Variants in AGFG2 observed in about 807,000 individuals in gnomAD.
AGFG2 encodes the protein arf-GAP domain and FG repeat-containing protein 2.
A neutral mutation model predicts 48.0 loss-of-function variants in AGFG2; 31 were observed. The observed-to-expected ratio is 0.65, with a 90% confidence interval of 0.49 to 0.87. AGFG2 has a LOEUF of 0.87. AGFG2 is among the 40% of genes least tolerant of loss of function. The pLI is 0.00. For synonymous variants in AGFG2, 229 were observed against 260.8 expected (o/e 0.88, Z 1.18); for missense variants, 599 against 632.6 (o/e 0.95, Z 0.57).
chr7:100,540,728 T>C (rs1800407029), intron 1 of AGFG2, among the ~76,000 whole-genome samples: 1 of 152,154 alleles, frequency 6.6e-6, no homozygotes, highest in Admixed American at 6.6e-5. Context: ...AAAAAATGCT[T>C]TCCAGCCAGG....
Position 100,550,430 on chromosome 7 carries a change from C to T in AGFG2, c.350C>T (p.Ala117Val), listed in dbSNP as rs755967504. 3 of 1,612,896 alleles carry T rather than the reference C, an allele frequency of 1.9e-6. No individual in the cohort carries two copies. The highest frequency in any genetic ancestry group is 2.5e-6 in the Non-Finnish European group (3 of 1,179,482). ...AAGATTTGGTTGGGTCTGTTTGATG[C>T]TCGGACATCTTTAGTACCAGATTCC... ...CRKIWLGLFDARTSLVPDSRD... is the reference protein window; with the variant it reads ...CRKIWLGLFDVRTSLVPDSRD... Residue 117 changes from alanine to valine, a missense_variant, in exon 3 of 12, where the codon GCT becomes GTT. Transcript: ENST00000300176.
At chr7:100,554,408 T>G in intron 5 of AGFG2, 150 bp downstream of exon 5, 2 of 1,015,688 alleles carry the variant, frequency 2.0e-6, no homozygotes, top group Admixed American at 6.6e-5. Context: ...AGGACTGGGG[T>G]CAAATAAGTA....
Position 100,539,226 on chromosome 7 carries a change from G to T in AGFG2, c.-121G>T. ...GTGGTGGACGGCGAAGTCTCCTGCG[G>T]ATGCCGCCCGCTCCCGAGCTTCTGT... On this transcript the variant is annotated 5_prime_UTR_variant, in exon 1 of 12. Transcript: ENST00000300176. 1 of 1,047,236 alleles carries T rather than the reference G, an allele frequency of 9.5e-7. No individual in the cohort carries two copies. The highest frequency in any genetic ancestry group is 1.2e-6 in the Non-Finnish European group (1 of 808,872). 64.9% of individuals were successfully genotyped at this position (1,047,236 alleles called of 1,614,324 possible).
Position 100,548,841 on chromosome 7 carries a change from C to T in AGFG2, c.241C>T (p.His81Tyr). 1 of 1,613,590 alleles carries T rather than the reference C, an allele frequency of 6.2e-7. No homozygotes were observed. The highest frequency in any genetic ancestry group is 8.5e-7 in the Non-Finnish European group (1 of 1,179,680). ...SGLLRGLNPP[H>Y]RVKSISMTTF... ...CCATAGGAGAGGGCTGAACCCCCCT[C>T]ATCGTGTCAAGTCAATCTCCATGAC... Residue 81 changes from histidine (H) to tyrosine (Y), a missense_variant, in exon 2 of 12, where the codon CAT becomes TAT. Transcript: ENST00000300176.
At chr7:100,555,087 C>T (rs1028020876) in intron 5 of AGFG2, among the ~76,000 whole-genome samples, 41 of 152,018 alleles carry the variant, frequency 2.7e-4, no homozygotes, top group African/African-American at 8.7e-4. Context: ...CCTGGGTGCC[C>T]CTGTTCCCCT....
intron 6 of AGFG2, among the ~76,000 whole-genome samples, chr7:100,560,731 C>T (rs561983937): frequency 1.3e-5 from 2 of 151,666 alleles, no homozygotes; most frequent in South Asian, 4.2e-4. Flanking sequence ...GTCTTCCCTA[C>T]TAGATTCTCA....
At chr7:100,563,601 A>G (rs913196149) in intron 9 of AGFG2, among the ~76,000 whole-genome samples, 1 of 152,152 alleles carries the variant, frequency 6.6e-6, no homozygotes, top group Non-Finnish European at 1.5e-5. Flanking sequence ...CCAGTCCTGC[A>G]CCGCGCCCGT....
chr7:100,555,897 T>A, intron 6 of AGFG2, 162 bp downstream of exon 6: 1 of 981,716 alleles, frequency 1.0e-6, no homozygotes, highest in Non-Finnish European at 1.5e-6. Context: ...GACACATTCT[T>A]GTCAGGGAGA....
chr7:100,565,187 C>A lies in AGFG2; in HGVS notation c.*196C>A. Reference sequence around the variant, plus strand: ...CCTCTCTCCCCTCCCTCGTCCCACCCCCACCCAGGCAGGAAGCCCAGGAGG... The same window carrying A: ...CCTCTCTCCCCTCCCTCGTCCCACCACCACCCAGGCAGGAAGCCCAGGAGG... On this transcript the variant is annotated 3_prime_UTR_variant, in exon 12 of 12. Coordinates refer to ENST00000300176, the MANE Select transcript of AGFG2 (RefSeq NM_006076.5). 1 of 643,050 alleles carries A rather than the reference C, an allele frequency of 1.6e-6. No individual in the cohort carries two copies. The highest frequency in any genetic ancestry group is 2.7e-6 in the Non-Finnish European group (1 of 368,056). The allele number at this position is 643,050 out of a possible 1,614,324, so 39.8% of individuals were successfully genotyped here.
At chr7:100,550,966 ATCC>A (rs1331872071) in intron 3 of AGFG2, among the ~76,000 whole-genome samples, 1 of 132,930 alleles carries the variant, frequency 7.5e-6, no homozygotes, top group Admixed American at 7.9e-5. Context: ...AGCTCAGGTG[ATCC>A]TCCTACCTCA....
At position 100,564,933 on chromosome 7, in the gene AGFG2, C is replaced by T; in HGVS notation, c.1388C>T (p.Thr463Ile). Residue 463 changes from threonine (T) to isoleucine (I), a missense_variant and splice_region_variant, in exon 12 of 12, where the codon ACT becomes ATT. Transcript: ENST00000300176. The stretch of plus-strand genomic sequence containing the variant: ...AAATGTATTGTTCTTTCTTTCCAGA[C>T]TGGACCCTCATCAAGCCCATTCGCC... ...PAGISTNPFM[T>I]GPSSSPFASK... 6.2e-7 allele frequency: 1 copy of T among 1,614,098 alleles called. No homozygotes were observed. The highest frequency in any genetic ancestry group is 8.5e-7 in the Non-Finnish European group (1 of 1,179,928).
At chr7:100,560,992 T>C (rs1221729334) in intron 6 of AGFG2, among the ~76,000 whole-genome samples, 1 of 147,192 alleles carries the variant, frequency 6.8e-6, no homozygotes, top group Non-Finnish European at 1.5e-5. Flanking sequence ...TTTTTTTTTT[T>C]GTATTTTTAG....
chr7:100,561,778 G>C (rs1445078697), intron 6 of AGFG2, among the ~76,000 whole-genome samples: 3 of 152,228 alleles, frequency 2.0e-5, no homozygotes, highest in African/African-American at 4.8e-5. Flanking sequence ...AATGGGGAAG[G>C]GACAGTGCTG....
chr7:100,556,566 C>G (rs1165894616), intron 6 of AGFG2: 2 of 1,288,120 alleles, frequency 1.6e-6, no homozygotes, highest in African/African-American at 3.0e-5. Context: ...CCTCTACCCA[C>G]CCTTCTCTTC....
intron 6 of AGFG2, chr7:100,556,519 G>A (rs1800761617): frequency 8.2e-7 from 1 of 1,225,662 alleles, no homozygotes; most frequent in Non-Finnish European, 1.1e-6. Context: ...AGATGTCTGG[G>A]GAAAAGCCAG....
chr7:100,564,855 A>C, intron 11 of AGFG2, 77 bp from the exon 12 acceptor site: 5 of 1,517,492 alleles, frequency 3.3e-6, no homozygotes, highest in Non-Finnish European at 4.6e-6. Context: ...TTCAGGAGAA[A>C]GGACTCCTGG....
chr7:100,550,797 T>C (rs1584384023), intron 3 of AGFG2, among the ~76,000 whole-genome samples: 1 of 151,626 alleles, frequency 6.6e-6, no homozygotes, highest in Middle Eastern at 3.4e-3. Flanking sequence ...GCTGATCTTA[T>C]GTATGGGGAG....
Position 100,539,536 on chromosome 7 carries a change from A to G in AGFG2, c.190A>G (p.Ser64Gly). The change falls in exon 1 of 12, where the codon AGC (serine) becomes GGC (glycine). Residue 64 changes from serine (S) to glycine (G), a missense_variant. By Grantham distance (56) the Ser-to-Gly change is moderately conservative (BLOSUM62 0). Coordinates refer to ENST00000300176, the MANE Select transcript of AGFG2 (RefSeq NM_006076.5). ...GVTYVDITVGSFVCTTCSGLL... is the reference protein window; with the variant it reads ...GVTYVDITVGGFVCTTCSGLL... Reference sequence around the variant, plus strand: ...CACCTACGTGGATATCACCGTGGGCAGCTTCGTGTGCACCACCTGCTCCGG... The same window carrying G: ...CACCTACGTGGATATCACCGTGGGCGGCTTCGTGTGCACCACCTGCTCCGG... The G allele has an allele frequency of 8.1e-7, 1 of 1,231,410 alleles. No individual in the cohort carries two copies. The highest frequency in any genetic ancestry group is 3.1e-5 in the South Asian group (1 of 32,714). The allele number at this position is 1,231,410 out of a possible 1,614,324, so 76.3% of individuals were successfully genotyped here.
intron 6 of AGFG2, among the ~76,000 whole-genome samples, chr7:100,560,903 C>T (rs1199976943): frequency 6.6e-6 from 1 of 151,028 alleles, no homozygotes; most frequent in African/African-American, 2.4e-5. Flanking sequence ...ACTCCACCTC[C>T]CGGGTTCACG....
Sources: allele counts gnomAD v4.1 joint callset (sites outside exome capture counted in the v4.1 genomes callset), GRCh38; gene constraint gnomAD v4.1.1; transcripts MANE v1.5; gene names NCBI Gene and HGNC (gene_info 2026-07-23, HGNC 2026-07-21).